The following SLC12A7 variants were observed in gnomAD, a reference collection of about 807,000 sequenced individuals.
SLC12A7 encodes solute carrier family 12 member 7.
Under a neutral mutation model 120.6 loss-of-function variants are expected in SLC12A7, and 100 were observed. The ratio of observed to expected loss-of-function variants is 0.83; its 90% confidence interval spans 0.71 to 0.98. The LOEUF is 0.98. Among genes scored for constraint, SLC12A7 ranks in the 50% least tolerant of loss-of-function variants. SLC12A7 has a pLI of 0.00. For synonymous variants in SLC12A7, 760 were observed against 678.0 expected (o/e 1.12, Z -1.88); for missense variants, 1,373 against 1,548.1 (o/e 0.89, Z 1.90).
chr5:1,065,589 G>C, intron 17 of SLC12A7, 111 bp from the exon 18 acceptor site: 1 of 855,380 alleles, frequency 1.2e-6, no homozygotes, highest in Admixed American at 3.0e-5. Context: ...GGACCCAGCA[G>C]GAGGGAAGGC....
At chr5:1,053,036 T>G (rs975802967) in intron 23 of SLC12A7, among the ~76,000 whole-genome samples, 5 of 152,182 alleles carry the variant, frequency 3.3e-5, no homozygotes, top group Admixed American at 2.0e-4. Flanking sequence ...GGTCCCAGAA[T>G]GCACAGCTGC....
At position 1,051,068 on chromosome 5, in the gene SLC12A7, T is replaced by C. The variant is rs973923415; in HGVS notation, c.*1292A>G. 16 of 397,162 alleles carry C rather than the reference T, an allele frequency of 4.0e-5. No homozygotes were observed. The highest frequency in any genetic ancestry group is 3.1e-4 in the African/African-American group (15 of 48,576). 24.6% of individuals were successfully genotyped at this position (397,162 alleles called of 1,614,324 possible). A position where few individuals can be genotyped will look rare whatever the true frequency, so the allele number is the denominator to read the frequency against. ...TGTTTAAATAAATAAATATGCCACA[T>C]AGAAAGGGAGGCCCAAGTCGGTGCC... On this transcript the variant is annotated 3_prime_UTR_variant, in exon 24 of 24. Coordinates refer to ENST00000264930, the MANE Select transcript of SLC12A7 (RefSeq NM_006598.3).
chr5:1,069,186 A>G (rs1362601097), intron 17 of SLC12A7, among the ~76,000 whole-genome samples: 1 of 152,256 alleles, frequency 6.6e-6, no homozygotes, highest in Non-Finnish European at 1.5e-5. Flanking sequence ...CCTGTGCAAC[A>G]GCCTGAGAAG....
At chr5:1,110,594 C>G (rs543675176) in intron 1 of SLC12A7, among the ~76,000 whole-genome samples, 1 of 152,376 alleles carries the variant, frequency 6.6e-6, no homozygotes, top group Admixed American at 6.5e-5. Flanking sequence ...CTTCTGAGTG[C>G]GTTCCGGGGG....
intron 1 of SLC12A7, among the ~76,000 whole-genome samples, chr5:1,096,000 A>C (rs1375880354): frequency 6.6e-6 from 1 of 152,206 alleles, no homozygotes; most frequent in East Asian, 1.9e-4. Context: ...GACAACTCAG[A>C]GGAAGCTCCA....
chr5:1,102,131 C>A (rs905003265), intron 1 of SLC12A7, among the ~76,000 whole-genome samples: 1 of 152,232 alleles, frequency 6.6e-6, no homozygotes, highest in Non-Finnish European at 1.5e-5. Flanking sequence ...TGTGTCCCCA[C>A]CCCGAGAGGG....
chr5:1,059,743 T>C (rs1735989253), intron 21 of SLC12A7, among the ~76,000 whole-genome samples: 1 of 122,460 alleles, frequency 8.2e-6, no homozygotes, highest in Admixed American at 1.0e-4. Context: ...GCACGGAGGC[T>C]GCACAGGTCT....
At chr5:1,123,291 T>C in the SLC12A7 span, among the ~76,000 whole-genome samples, 1 of 152,110 alleles carries the variant, frequency 6.6e-6, no homozygotes, top group Non-Finnish European at 1.5e-5. Flanking sequence ...TAGAGAGGCA[T>C]GCTGGGCGTG....
At chr5:1,055,965 G>A (rs1291573890) in intron 22 of SLC12A7, among the ~76,000 whole-genome samples, 1 of 152,224 alleles carries the variant, frequency 6.6e-6, no homozygotes, top group African/African-American at 2.4e-5. Flanking sequence ...ACCAGGCACT[G>A]CCTGCCCACA....
At chr5:1,137,245 T>C in the SLC12A7 span, among the ~76,000 whole-genome samples, 1 of 151,860 alleles carries the variant, frequency 6.6e-6, no homozygotes, top group Admixed American at 6.5e-5. Context: ...CCCAGAGCAC[T>C]CGAGGCCAGG....
the SLC12A7 span, among the ~76,000 whole-genome samples, chr5:1,138,314 GCTGATTGGTCCATTTTACAGAACA>G: frequency 6.6e-6 from 1 of 152,198 alleles, no homozygotes; most frequent in Non-Finnish European, 1.5e-5. Context: ...CCCACATCCT[GCTGATTGGTCCATTTTACAGAACA>G]CTGATTGGTT....
the SLC12A7 span, among the ~76,000 whole-genome samples, chr5:1,126,610 T>A: frequency 1.3e-5 from 2 of 152,224 alleles, no homozygotes; most frequent in Non-Finnish European, 2.9e-5. Context: ...TACCCATTAG[T>A]TATCTTTCCT....
Position 1,077,845 on chromosome 5 carries a change from G to A in SLC12A7, c.1617C>T (p.Val539=). The change falls in exon 12 of 24, where the codon GTC becomes GTT. Residue 539 remains valine, a synonymous_variant. Transcript: ENST00000264930. ...GTGCGGGACTCACCTGCAGGAAGGG[G>A]ACGATGCCGTCACGGGCAATGGCCT... ...LLQAIARDGI[V]PFLQVFGHGK... The A allele has an allele frequency of 6.3e-7, 1 of 1,588,596 alleles. No homozygotes were observed. The highest frequency in any genetic ancestry group is 8.6e-7 in the Non-Finnish European group (1 of 1,168,346).
At chr5:1,064,283 T>C (rs1043719233) in intron 18 of SLC12A7, 31 bp from the exon 19 acceptor site, 3 of 1,593,860 alleles carry the variant, frequency 1.9e-6, no homozygotes, top group Admixed American at 1.7e-5. Flanking sequence ...CCGCAGGTCA[T>C]CTGAGGCCAG....
intron 22 of SLC12A7, among the ~76,000 whole-genome samples, chr5:1,054,009 G>C (rs938582771): frequency 6.6e-6 from 1 of 152,218 alleles, no homozygotes; most frequent in Non-Finnish European, 1.5e-5. Flanking sequence ...GGAAGCTCAG[G>C]AAGGAAAGGC....
intron 5 of SLC12A7, among the ~76,000 whole-genome samples, chr5:1,087,752 G>A (rs183864598): frequency 4.8e-4 from 73 of 152,356 alleles, no homozygotes; most frequent in African/African-American, 1.6e-3. Flanking sequence ...AGAAGCAGAC[G>A]TGGCAGCGTC....
intron 22 of SLC12A7, among the ~76,000 whole-genome samples, chr5:1,055,161 C>G (rs957129606): frequency 2.0e-5 from 3 of 152,066 alleles, no homozygotes; most frequent in African/African-American, 7.2e-5. Flanking sequence ...TGCAGACACA[C>G]TGATGTGTAC....
chr5:1,052,364 G>A lies in SLC12A7; in HGVS notation c.3248C>T (p.Ser1083Phe), dbSNP rs749811325. The part of the protein sequence containing the change: ...GGGREVITIY[S>F] The stretch of plus-strand genomic sequence containing the variant: ...GTGCCGTGATGCTGTTGGGCATTAG[G>A]AGTAGATGGTGATCACCTCCCGGCC... The change falls in exon 24 of 24, where the codon TCC becomes TTC. Residue 1083 changes from serine to phenylalanine, a missense_variant. Coordinates refer to ENST00000264930, the MANE Select transcript of SLC12A7 (RefSeq NM_006598.3). The A allele has an allele frequency of 6.2e-7, 1 of 1,612,328 alleles. No homozygotes were observed. Among genetic ancestry groups the A allele is most frequent in the Admixed American group, 1.7e-5 (1 of 60,018 alleles).
upstream of SLC12A7, among the ~76,000 whole-genome samples, chr5:1,112,870 G>GC (rs1743147489): frequency 1.5e-5 from 1 of 67,644 alleles, no homozygotes; most frequent in East Asian, 4.0e-4. Context: ...AGTAGAGGGA[G>GC]TCCCCCCCCC....
Sources: gnomAD v4.1 joint callset for allele counts (sites outside exome capture counted in the v4.1 genomes callset) on GRCh38, gnomAD v4.1.1 for gene constraint, MANE v1.5 for transcripts, NCBI Gene and HGNC (gene_info 2026-07-23, HGNC 2026-07-21) for gene names.